Variants in SDK1 observed in about 807,000 individuals in gnomAD.
SDK1 encodes protein sidekick-1.
Under a neutral mutation model 245.5 loss-of-function variants are expected in SDK1, and 157 were observed. That is an observed-to-expected ratio of 0.64 (90% CI 0.56 to 0.73). SDK1 has a LOEUF of 0.73. SDK1 is among the 30% of genes least tolerant of loss of function. The pLI is 0.00. For missense variants in SDK1, 3,583 were observed against 3,002.3 expected (o/e 1.19, Z -4.52); for synonymous variants, 1,647 against 1,278.5 (o/e 1.29, Z -6.15).
intron 1 of SDK1, among the ~76,000 whole-genome samples, chr7:3,596,168 G>C (rs1039709974): frequency 3.9e-5 from 6 of 152,174 alleles, no homozygotes; most frequent in Admixed American, 2.6e-4. Context: ...CCGCATTTTG[G>C]AGCGTTTCAG....
intron 19 of SDK1, among the ~76,000 whole-genome samples, chr7:4,067,198 C>T (rs1779961289): frequency 6.6e-6 from 1 of 152,220 alleles, no homozygotes; most frequent in Non-Finnish European, 1.5e-5. Flanking sequence ...AGGTCTGACA[C>T]CCAGCTTGGA....
At chr7:3,681,739 T>G (rs1384155074) in intron 4 of SDK1, among the ~76,000 whole-genome samples, 2 of 152,208 alleles carry the variant, frequency 1.3e-5, no homozygotes, top group Admixed American at 6.5e-5. Flanking sequence ...ACTTGTTGAA[T>G]GAATACATTG....
intron 1 of SDK1, among the ~76,000 whole-genome samples, chr7:3,342,223 T>C (rs1278001521): frequency 6.6e-6 from 1 of 152,220 alleles, no homozygotes; most frequent in Non-Finnish European, 1.5e-5. Flanking sequence ...ATCTAAATTT[T>C]ATATTTTATA....
chr7:4,139,924 A>G (rs1779459689), intron 28 of SDK1, among the ~76,000 whole-genome samples: 1 of 152,064 alleles, frequency 6.6e-6, no homozygotes, highest in South Asian at 2.1e-4. Flanking sequence ...CGATCTGGTA[A>G]TGGGGCAGGG....
rs563038292 is a variant in SDK1 at position 3,503,560 on chromosome 7, C to T, written c.299-115520C>T. 1.6e-3 allele frequency among the ~76,000 whole-genome samples: 239 copies of T among 152,194 alleles called. 2 individuals carry two copies. Among genetic ancestry groups the T allele is most frequent in the Non-Finnish European group, 2.3e-3 (156 of 68,002 alleles). ...AGTTGTGATGGTGTTACTTATAGTC[C>T]TAGCTACTCAGTAGGCTGAGGTGGG... On this transcript the variant is annotated intron_variant, in intron 1 of 44. Coordinates refer to ENST00000404826, the MANE Select transcript of SDK1 (RefSeq NM_152744.4).
At chr7:4,234,240 C>T (rs1298438388) in intron 41 of SDK1, among the ~76,000 whole-genome samples, 1 of 152,196 alleles carries the variant, frequency 6.6e-6, no homozygotes, top group African/African-American at 2.4e-5. Flanking sequence ...CTGCCGATCC[C>T]AGGCTGGGCA....
At chr7:3,839,402 C>G (rs1044529676) in intron 5 of SDK1, among the ~76,000 whole-genome samples, 2 of 152,110 alleles carry the variant, frequency 1.3e-5, no homozygotes, top group African/African-American at 4.8e-5. Flanking sequence ...TGAACCCAAT[C>G]AAGTTGTCAG....
At chr7:3,431,368 T>TTG (rs1224422099) in intron 1 of SDK1, among the ~76,000 whole-genome samples, 1 of 151,014 alleles carries the variant, frequency 6.6e-6, no homozygotes, top group African/African-American at 2.4e-5. Flanking sequence ...GTTTTTTTTT[T>TTG]TTTTTTTTTT....
chr7:4,173,911 G>C (rs113878105), intron 32 of SDK1, among the ~76,000 whole-genome samples: 2 of 152,182 alleles, frequency 1.3e-5, no homozygotes, highest in Non-Finnish European at 2.9e-5. Context: ...CCTCCTCGCC[G>C]TCTGTGTCTG....
At chr7:3,547,320 C>G (rs543846707) in intron 1 of SDK1, among the ~76,000 whole-genome samples, 24 of 152,086 alleles carry the variant, frequency 1.6e-4, no homozygotes, top group African/African-American at 5.5e-4. Flanking sequence ...CTGTATTGGT[C>G]AAAGCAAGTT....
intron 16 of SDK1, among the ~76,000 whole-genome samples, chr7:4,014,310 T>C (rs1786221179): frequency 6.6e-6 from 1 of 152,154 alleles, no homozygotes. Context: ...GTTAAAAGGA[T>C]TTTCTGTGAT....
At chr7:3,717,608 C>G (rs988152062) in intron 4 of SDK1, among the ~76,000 whole-genome samples, 2 of 152,072 alleles carry the variant, frequency 1.3e-5, no homozygotes, top group Non-Finnish European at 2.9e-5. Context: ...GTTACTGTAG[C>G]CTTTAAAAGA....
chr7:3,587,503 G>C (rs961138812), intron 1 of SDK1, among the ~76,000 whole-genome samples: 3 of 152,136 alleles, frequency 2.0e-5, no homozygotes, highest in Admixed American at 6.5e-5. Context: ...TAAGAACCAG[G>C]AGTGCCAAGT....
chr7:4,265,450 C>G lies in SDK1; in HGVS notation c.*66C>G. 7.2e-7 allele frequency: 1 copy of G among 1,393,866 alleles called. No individual in the cohort carries two copies. The highest frequency in any genetic ancestry group is 9.2e-7 in the Non-Finnish European group (1 of 1,082,050). 86.3% of individuals were successfully genotyped at this position (1,393,866 alleles called of 1,614,324 possible). On this transcript the variant is annotated 3_prime_UTR_variant, in exon 45 of 45. Coordinates refer to ENST00000404826, the MANE Select transcript of SDK1 (RefSeq NM_152744.4). Reference sequence around the variant, plus strand: ...TTTCCGGAGTCTATTTTTGTTAAGACAATCAACTCCAATAACTGAGCTGAA... The same window carrying G: ...TTTCCGGAGTCTATTTTTGTTAAGAGAATCAACTCCAATAACTGAGCTGAA...
intron 1 of SDK1, among the ~76,000 whole-genome samples, chr7:3,414,242 A>C (rs987684514): frequency 1.3e-5 from 2 of 152,080 alleles, no homozygotes; most frequent in Non-Finnish European, 2.9e-5. Flanking sequence ...GGTGCGGAGG[A>C]GGAGGAGAAA....
chr7:3,663,155 T>C (rs1783418677), intron 4 of SDK1, among the ~76,000 whole-genome samples: 2 of 152,200 alleles, frequency 1.3e-5, no homozygotes, highest in Admixed American at 1.3e-4. Context: ...GCAGAAAAAT[T>C]GTTGAAACAT....
At chr7:4,231,974 A>C (rs1785801736) in intron 40 of SDK1, among the ~76,000 whole-genome samples, 1 of 151,308 alleles carries the variant, frequency 6.6e-6, no homozygotes, top group Non-Finnish European at 1.5e-5. Flanking sequence ...TCATAGCTGC[A>C]CCTAGAAAAG....
At chr7:3,567,592 A>T (rs1231623370) in intron 1 of SDK1, among the ~76,000 whole-genome samples, 1 of 152,170 alleles carries the variant, frequency 6.6e-6, no homozygotes, top group Non-Finnish European at 1.5e-5. Flanking sequence ...CTGCAGTTGG[A>T]GTTAATGGTA....
intron 19 of SDK1, among the ~76,000 whole-genome samples, chr7:4,054,506 A>G (rs927195054): frequency 5.3e-5 from 8 of 152,182 alleles, no homozygotes; most frequent in African/African-American, 1.9e-4. Context: ...TGTATCTACC[A>G]CGATAATCAA....
Sources: allele counts gnomAD v4.1 joint callset (sites outside exome capture counted in the v4.1 genomes callset), GRCh38; gene constraint gnomAD v4.1.1; transcripts MANE v1.5; gene names NCBI Gene and HGNC (gene_info 2026-07-23, HGNC 2026-07-21).